The following KAZN variants were observed in gnomAD, a reference collection of about 807,000 sequenced individuals.
The protein encoded by KAZN is kazrin, periplakin interacting protein.
KAZN carries 40 observed loss-of-function variants against 87.4 expected under a neutral mutation model. The ratio of observed to expected loss-of-function variants is 0.46; its 90% confidence interval spans 0.36 to 0.60. The LOEUF is 0.60. Among genes scored for constraint, KAZN ranks in the 20% least tolerant of loss-of-function variants. The pLI, the probability that KAZN is intolerant of heterozygous loss-of-function variation, is 0.00. For synonymous variants in KAZN, 466 were observed against 458.3 expected, an observed-to-expected ratio of 1.02 and a Z score of -0.22; for missense variants, 898 against 1,073.9, an observed-to-expected ratio of 0.84 and a Z score of 2.29.
At position 14,395,951 on chromosome 1, in the gene KAZN, G is replaced by A. The variant is rs922677065; in HGVS notation, c.250-203032G>A. On this transcript the variant is annotated intron_variant, in intron 2 of 16. Transcript: ENST00000636203. ...TGGGAGGCCGAGGCAGGTAGATCACGAGGTCAGACGCTCGAGACCAGCCTG... is the reference window on the plus strand; with the variant it reads ...TGGGAGGCCGAGGCAGGTAGATCACAAGGTCAGACGCTCGAGACCAGCCTG... 4.6e-5 allele frequency among the ~76,000 whole-genome samples: 7 copies of A among 151,996 alleles called. No homozygotes were observed. In the East Asian group the frequency reaches 1.2e-3, roughly 25 times the overall value.
intron 1 of KAZN, among the ~76,000 whole-genome samples, chr1:14,731,248 T>C (rs1643664328): frequency 6.6e-6 from 1 of 152,224 alleles, no homozygotes; most frequent in African/African-American, 2.4e-5. Flanking sequence ...TTAGCAATTA[T>C]GACTAAAAGC....
At chr1:14,510,316 T>G (rs1670836080) in intron 2 of KAZN, among the ~76,000 whole-genome samples, 1 of 150,630 alleles carries the variant, frequency 6.6e-6, no homozygotes, top group Non-Finnish European at 1.5e-5. Context: ...GGGTGGAGGT[T>G]GCAGTGAGCC....
In KAZN at chr1:13,985,585, T is replaced by C. The variant is rs904747946; in HGVS notation, c.91+91829T>C. Among the ~76,000 whole-genome samples the C allele has an allele frequency of 4.7e-5, 7 of 148,332 alleles. No individual in the cohort carries two copies. The East Asian group carries it at 8.2e-4, about 17-fold the overall frequency. On this transcript the variant is annotated intron_variant, in intron 1 of 16. Transcript: ENST00000636203. ...GTGGGGGGAGGGGGGAGGGATAGCA[T>C]TGGGAGATATACCTAATGCTAGATG... is the stretch of plus-strand genomic sequence containing the variant.
At chr1:14,740,448 T>C (rs10803311) in intron 1 of KAZN, among the ~76,000 whole-genome samples, 69,968 of 151,964 alleles carry the variant, frequency 0.46, 16,582 homozygotes, top group African/African-American at 0.55. Context: ...TTCACTATTA[T>C]ATGTGCCCAC....
chr1:14,598,716 C>T lies in KAZN; in HGVS notation c.-282C>T. The T allele has an allele frequency of 1.5e-6, 2 of 1,318,396 alleles. No individual in the cohort carries two copies. Among genetic ancestry groups the T allele is most frequent in the Non-Finnish European group, 1.9e-6 (2 of 1,042,404 alleles). The allele number at this position is 1,318,396 out of a possible 1,614,324, so 81.7% of individuals were successfully genotyped here. A position where few individuals can be genotyped will look rare whatever the true frequency, so the allele number is the denominator to read the frequency against. ...GGAGCAGCTCTCGGCGCCCGCCCGC[C>T]GGGGTCTCGGCGATCGCTGCTCCTC... On this transcript the variant is annotated 5_prime_UTR_variant, in exon 1 of 15. Transcript: ENST00000376030. The surrounding 1 kb of genome is among the most constrained non-coding windows in gnomAD (Gnocchi z 4.2).
intron 2 of KAZN, among the ~76,000 whole-genome samples, chr1:15,015,363 G>A (rs1212888607): frequency 1.3e-5 from 2 of 152,094 alleles, no homozygotes; most frequent in Non-Finnish European, 2.9e-5. Flanking sequence ...ATGTTGGCCA[G>A]GCTGGTCTTG....
At chr1:13,984,547 T>C (rs1638919151) in intron 1 of KAZN, among the ~76,000 whole-genome samples, 1 of 152,232 alleles carries the variant, frequency 6.6e-6, no homozygotes, top group Non-Finnish European at 1.5e-5. Flanking sequence ...TGGATGAAGA[T>C]GATAACCTTG....
upstream of KAZN, among the ~76,000 whole-genome samples, chr1:14,597,786 A>G (rs745693321): frequency 1.3e-5 from 2 of 152,246 alleles, no homozygotes; most frequent in South Asian, 2.1e-4. Context: ...GAAGTTTGCT[A>G]TGGTAACAAG....
chr1:14,390,014 T>TA (rs960295304), intron 2 of KAZN, among the ~76,000 whole-genome samples: 31 of 152,106 alleles, frequency 2.0e-4, no homozygotes, highest in African/African-American at 7.5e-4. Context: ...AATTAAAAAT[T>TA]AAAAAAAGTA....
At chr1:14,712,875 A>C (rs1174247749) in intron 1 of KAZN, among the ~76,000 whole-genome samples, 1 of 152,218 alleles carries the variant, frequency 6.6e-6, no homozygotes, top group African/African-American at 2.4e-5. Flanking sequence ...GCTTTCTCAC[A>C]CACCACAATA....
At chr1:14,647,234 A>ACAGCCCG (rs2148687157) in intron 1 of KAZN, among the ~76,000 whole-genome samples, 1 of 152,308 alleles carries the variant, frequency 6.6e-6, no homozygotes, top group East Asian at 1.9e-4. Context: ...AATGGTCAAA[A>ACAGCCCG]CAGCCCGCAG....
intron 1 of KAZN, among the ~76,000 whole-genome samples, chr1:14,921,798 C>A (rs752333425): frequency 1.8e-4 from 27 of 152,298 alleles, no homozygotes; most frequent in Middle Eastern, 3.4e-3. Context: ...TGCAGCCTCC[C>A]CCTCCTAGGT....
intron 1 of KAZN, among the ~76,000 whole-genome samples, chr1:14,070,761 A>G (rs1643217331): frequency 6.6e-6 from 1 of 152,206 alleles, no homozygotes; most frequent in Non-Finnish European, 1.5e-5. Flanking sequence ...ATCTTCCCAG[A>G]GCTGCCAGCC....
chr1:14,753,106 G>T (rs776753173), intron 1 of KAZN, among the ~76,000 whole-genome samples: 1 of 152,190 alleles, frequency 6.6e-6, no homozygotes, highest in Non-Finnish European at 1.5e-5. Flanking sequence ...GTCAATTGCC[G>T]ACTGTTTACT....
intron 2 of KAZN, among the ~76,000 whole-genome samples, chr1:14,423,542 C>A (rs893986198): frequency 1.3e-5 from 2 of 152,168 alleles, no homozygotes; most frequent in Non-Finnish European, 2.9e-5. Flanking sequence ...TCCCCACACA[C>A]AGTACATGCA....
chr1:14,337,400 T>G (rs1485185328), intron 2 of KAZN, among the ~76,000 whole-genome samples: 1 of 152,214 alleles, frequency 6.6e-6, no homozygotes, highest in East Asian at 1.9e-4. Context: ...AGTTTACAAG[T>G]TTAGTCTTTA....
chr1:14,445,251 C>T (rs1273645721), intron 2 of KAZN, among the ~76,000 whole-genome samples: 6 of 152,100 alleles, frequency 3.9e-5, no homozygotes, highest in African/African-American at 1.4e-4. Flanking sequence ...GTCTCGAACT[C>T]CTGACCTCAG....
chr1:14,295,677 C>T (rs1654058178), intron 2 of KAZN, among the ~76,000 whole-genome samples: 1 of 152,058 alleles, frequency 6.6e-6, no homozygotes, highest in African/African-American at 2.4e-5. Context: ...CAAACCCATG[C>T]ACACACACAC....
At chr1:14,409,235 G>A (rs1664106981) in intron 2 of KAZN, among the ~76,000 whole-genome samples, 1 of 152,082 alleles carries the variant, frequency 6.6e-6, no homozygotes, top group Non-Finnish European at 1.5e-5. Flanking sequence ...AAACAAAAGA[G>A]GAAGTGAAAA....
Sources: gnomAD v4.1 joint callset for allele counts (sites outside exome capture counted in the v4.1 genomes callset) on GRCh38, gnomAD v4.1.1 for gene constraint, Gnocchi (gnomAD v3.1) non-coding constraint, MANE v1.5 for transcripts, NCBI Gene and HGNC (gene_info 2026-07-23, HGNC 2026-07-21) for gene names.